QSER1: variants seen among roughly 807,000 people sequenced by gnomAD.
The protein encoded by QSER1 is glutamine and serine rich 1, also known as glutamine and serine-rich protein 1.
A neutral mutation model predicts 158.5 loss-of-function variants in QSER1; 49 were observed. The ratio of observed to expected loss-of-function variants is 0.31; its 90% CI spans 0.25 to 0.39. QSER1 has a LOEUF of 0.39. Among genes scored for constraint, QSER1 ranks in the 10% least tolerant of loss-of-function variants. The pLI, the probability that QSER1 is intolerant of heterozygous loss-of-function variation, is 1.00. For missense variants in QSER1, 1,754 were observed against 2,010.3 expected, an observed-to-expected ratio of 0.87 and a Z score of 2.44; for synonymous variants, 650 against 715.5, an observed-to-expected ratio of 0.91 and a Z score of 1.46.
At chr11:32,921,491 A>G (rs528567745) in intron 1 of QSER1, among the ~76,000 whole-genome samples, 8 of 152,348 alleles carry the variant, frequency 5.3e-5, no homozygotes, top group Admixed American at 3.9e-4. Context: ...GGTGACCTTT[A>G]TGGTATGAAA....
At chr11:32,909,709 T>C (rs942520928) in intron 1 of QSER1, among the ~76,000 whole-genome samples, 1 of 152,204 alleles carries the variant, frequency 6.6e-6, no homozygotes, top group African/African-American at 2.4e-5. Flanking sequence ...CCCAAAGTGT[T>C]GGGATTACAG....
intron 1 of QSER1, among the ~76,000 whole-genome samples, chr11:32,910,950 G>A (rs558280626): frequency 6.6e-6 from 1 of 152,320 alleles, no homozygotes; most frequent in South Asian, 2.1e-4. Context: ...TGTGGGAGGA[G>A]ATAGTACAAT....
chr11:32,945,149 T>C (rs1216138769), intron 4 of QSER1, among the ~76,000 whole-genome samples: 34 of 134,318 alleles, frequency 2.5e-4, no homozygotes, highest in Non-Finnish European at 2.1e-4. Context: ...TGAGATGGGT[T>C]TCCTGAATAC....
In QSER1 at chr11:32,931,906, T is replaced by C; in HGVS notation, c.648T>C (p.Thr216=). Residue 216 remains threonine (T), a synonymous_variant, in exon 4 of 13, where the codon ACT becomes ACC. Transcript: ENST00000650167. ...TGCTTCAGGATTCAACTTTTAACACTACATCAAATGGAATTTTAAGTCATC... is the reference window on the plus strand; with the variant it reads ...TGCTTCAGGATTCAACTTTTAACACCACATCAAATGGAATTTTAAGTCATC... ...PLVLQDSTFN[T]TSNGILSHHD... is the part of the protein sequence containing the mutation. The C allele has an allele frequency of 6.2e-7, 1 of 1,614,174 alleles. No homozygotes were observed. Among genetic ancestry groups the C allele is most frequent in the Non-Finnish European group, 8.5e-7 (1 of 1,180,006 alleles).
intron 1 of QSER1, among the ~76,000 whole-genome samples, chr11:32,899,956 C>T (rs1318512102): frequency 6.6e-6 from 1 of 152,126 alleles, no homozygotes; most frequent in Non-Finnish European, 1.5e-5. Flanking sequence ...TCAACCTGGG[C>T]CTCCTCTAGC....
intron 11 of QSER1, among the ~76,000 whole-genome samples, chr11:32,974,334 G>C (rs552109011): frequency 5.5e-4 from 84 of 152,172 alleles, no homozygotes; most frequent in African/African-American, 1.9e-3. Flanking sequence ...AGCTGAGTGG[G>C]AGGATCGCTT....
intron 8 of QSER1, among the ~76,000 whole-genome samples, chr11:32,963,356 C>CTGTT (rs1199642949): frequency 2.6e-4 from 39 of 151,758 alleles, no homozygotes; most frequent in African/African-American, 6.5e-4. Flanking sequence ...TGCCCAGGCT[C>CTGTT]TGTTTGTTTG....
chr11:32,942,605 T>C (rs1242375252), intron 4 of QSER1, among the ~76,000 whole-genome samples: 1 of 152,224 alleles, frequency 6.6e-6, no homozygotes, highest in Non-Finnish European at 1.5e-5. Context: ...TCTGTTTTGG[T>C]ACCAGTACCA....
intron 1 of QSER1, among the ~76,000 whole-genome samples, chr11:32,906,569 C>G (rs1386666823): frequency 6.6e-6 from 1 of 151,886 alleles, no homozygotes; most frequent in African/African-American, 2.4e-5. Flanking sequence ...TGGCTAAATT[C>G]GGGTATATTT....
chr11:32,970,694 C>T (rs911615203), intron 10 of QSER1, among the ~76,000 whole-genome samples: 5 of 152,080 alleles, frequency 3.3e-5, no homozygotes, highest in African/African-American at 7.2e-5. Flanking sequence ...GCATGAGCCA[C>T]GGCACCCAGC....
intron 5 of QSER1, among the ~76,000 whole-genome samples, chr11:32,955,070 G>T (rs1038707256): frequency 1.3e-5 from 2 of 152,170 alleles, no homozygotes; most frequent in African/African-American, 4.8e-5. Context: ...GCACAAATGG[G>T]TAATGGGCTA....
rs565679142 is a variant in QSER1, at chr11:32,935,360, A to G, written c.4102A>G (p.Ser1368Gly). 1 of 1,608,124 alleles carries G rather than the reference A, an allele frequency of 6.2e-7. No homozygotes were observed. Among genetic ancestry groups the G allele is most frequent in the Non-Finnish European group, 8.5e-7 (1 of 1,178,428 alleles). The change falls in exon 4 of 13, where the codon AGT becomes GGT. Residue 1368 changes from serine (S) to glycine (G), a missense_variant. Physicochemically the swap from Ser to Gly is moderately conservative, Grantham distance 56. Around this residue, in one of 2 missense-constraint regions of QSER1, gnomAD observed 1,707 missense variants for 1,919.6 expected, o/e 0.89. Coordinates refer to ENST00000650167, the MANE Select transcript of QSER1 (RefSeq NM_001076786.3). ...TTCTGATGAAGATGATCCTGGATAT[A>G]GTCAAGATGCTTATAAAAGCGTCTC... ...FSSDEDDPGY[S>G]QDAYKSVSTP... is the part of the protein sequence containing the mutation.
chr11:32,957,778 ATCT>A (rs1453426060), intron 7 of QSER1, 88 bp from the exon 8 acceptor site: 147 of 1,043,856 alleles, frequency 1.4e-4, no homozygotes, highest in Non-Finnish European at 1.8e-4. Flanking sequence ...TAATTAGATA[ATCT>A]TCTCCTGTGA....
rs370504101 is a variant in QSER1 at position 32,956,143 on chromosome 11, A to G, written c.4751+22A>G. 3.4e-4 allele frequency: 533 copies of G among 1,576,422 alleles called. 3 individuals are homozygous for G. Among genetic ancestry groups the G allele is most frequent in the Non-Finnish European group, 6.1e-5 (70 of 1,148,478 alleles). On this transcript the variant is annotated intron_variant, in intron 7 of 12. Transcript: ENST00000650167. ...TCAGGTATTTGTTTTCTTAGGTGAT[A>G]TATTTGTGCATATATATAGGTGTAT...
chr11:32,961,381 A>G (rs1274327757), intron 8 of QSER1, among the ~76,000 whole-genome samples: 1 of 152,178 alleles, frequency 6.6e-6, no homozygotes, highest in African/African-American at 2.4e-5. Context: ...GCATGGTTTT[A>G]TAACATTGTT....
chr11:32,925,489 C>T (rs997471803), intron 1 of QSER1, among the ~76,000 whole-genome samples: 2 of 135,932 alleles, frequency 1.5e-5, no homozygotes, highest in South Asian at 4.9e-4. Context: ...GTTGATACAT[C>T]GCTTTTTTAT....
At chr11:32,969,686 C>CTTTTTTTTTT (rs1321422488) in intron 10 of QSER1, among the ~76,000 whole-genome samples, 6 of 134,736 alleles carry the variant, frequency 4.5e-5, no homozygotes, top group Non-Finnish European at 6.4e-5. Context: ...CTTTTCTTTT[C>CTTTTTTTTTT]TTTTTTTTTT....
rs750016068 is a variant in QSER1 at position 32,933,489 on chromosome 11, C to T, written c.2231C>T (p.Ser744Phe). 5 of 1,611,520 alleles carry T rather than the reference C, an allele frequency of 3.1e-6. No homozygotes were observed. The South Asian group carries it at 5.5e-5, about 18-fold the overall frequency. Residue 744 changes from serine to phenylalanine, a missense_variant, in exon 4 of 13, where the codon TCC becomes TTC. Physicochemically the swap from Ser to Phe is radical, Grantham distance 155 (BLOSUM62 -2). Transcript: ENST00000650167. ...TCTCAGAGTGTAATCAGAAGTAATT[C>T]CCGTCTTGAAGATCAAGTTATTGGG... is the stretch of plus-strand genomic sequence containing the variant. ...RYSQSVIRSN[S>F]RLEDQVIGVA...
rs774550788 is a variant in QSER1 at position 32,932,293 on chromosome 11, A to G, written c.1035A>G (p.Leu345=). The G allele has an allele frequency of 1.2e-6, 2 of 1,613,792 alleles. No individual in the cohort carries two copies. The highest frequency in any genetic ancestry group is 1.7e-5 in the Admixed American group (1 of 59,986). ...CACAGCACTCCTTACATAGTTATCTATCAAATTCAAGTGTAGTTAATTTTC... is the reference window on the plus strand; with the variant it reads ...CACAGCACTCCTTACATAGTTATCTGTCAAATTCAAGTGTAGTTAATTTTC... The part of the protein sequence containing the change: ...TGSQHSLHSY[L]SNSSVVNFQE... Residue 345 remains leucine, a synonymous_variant, in exon 4 of 13, where the codon CTA becomes CTG. Transcript: ENST00000650167.
Sources: allele counts gnomAD v4.1 joint callset (sites outside exome capture counted in the v4.1 genomes callset), GRCh38; gene constraint gnomAD v4.1.1; regional missense constraint gnomAD v4.1.1; transcripts MANE v1.5; gene names NCBI Gene and HGNC (gene_info 2026-07-23, HGNC 2026-07-21).